The following MED27 variants were observed in gnomAD, a reference collection of about 807,000 sequenced individuals.
MED27 encodes mediator of RNA polymerase II transcription subunit 27.
MED27 carries 30 observed loss-of-function variants against 38.2 expected under a neutral mutation model. The ratio of observed to expected loss-of-function variants is 0.79; its 90% CI spans 0.59 to 1.07. The LOEUF is 1.07. Ranked by LOEUF, MED27 falls within the 50% of genes least tolerant of loss-of-function variation. The pLI is 0.00. For synonymous variants in MED27, 122 were observed against 153.5 expected (o/e 0.79, Z 1.52); for missense variants, 289 against 397.5 (o/e 0.73, Z 2.32).
chr9:131,875,661 T>G (rs1838918200), intron 6 of MED27, among the ~76,000 whole-genome samples: 1 of 152,204 alleles, frequency 6.6e-6, no homozygotes, highest in Non-Finnish European at 1.5e-5. Flanking sequence ...TCACACCAAG[T>G]CTGTGGGGCA....
chr9:132,069,670 C>T (rs567358177), intron 2 of MED27, among the ~76,000 whole-genome samples: 67 of 152,290 alleles, frequency 4.4e-4, no homozygotes, highest in African/African-American at 1.4e-3. Context: ...CTCCATTCCT[C>T]GGATTACAAT....
intron 2 of MED27, among the ~76,000 whole-genome samples, chr9:132,075,434 T>C (rs778386735): frequency 1.3e-5 from 2 of 152,196 alleles, no homozygotes; most frequent in Non-Finnish European, 2.9e-5. Flanking sequence ...ACATTGCTCA[T>C]ATGAGATTTA....
chr9:131,899,007 A>C (rs754717371), intron 4 of MED27, among the ~76,000 whole-genome samples: 1 of 152,208 alleles, frequency 6.6e-6, no homozygotes, highest in South Asian at 2.1e-4. Context: ...CTGAACATCT[A>C]AATGGAGATA....
At chr9:131,879,769 A>T (rs1839003062) in intron 6 of MED27, among the ~76,000 whole-genome samples, 2 of 152,202 alleles carry the variant, frequency 1.3e-5, no homozygotes, top group Admixed American at 1.3e-4. Context: ...GAGCAGGTGG[A>T]AGATGTCTGC....
rs186818984 is a variant in MED27, at chr9:131,882,673, C to T, written c.723+1385G>A. Among the ~76,000 whole-genome samples the T allele has an allele frequency of 1.7e-3, 253 of 152,330 alleles. 1 individual carries two copies. Among genetic ancestry groups the T allele is most frequent in the African/African-American group, 5.9e-3 (244 of 41,570 alleles). On this transcript the variant is annotated intron_variant, in intron 6 of 7. Transcript: ENST00000292035. ...CTGACCTGAGCCCTGCCTTCTACCT[C>T]CACTTCATCCCCACTTCACGGGGCT... is the stretch of plus-strand genomic sequence containing the variant.
At position 131,883,212 on chromosome 9, in the gene MED27, T is replaced by C. The variant is rs4628298; in HGVS notation, c.723+846A>G. On this transcript the variant is annotated intron_variant, in intron 6 of 7. Coordinates refer to ENST00000292035, the MANE Select transcript of MED27 (RefSeq NM_004269.4). This position sits in a 1 kb window ranked among gnomAD's most constrained non-coding sequence, Gnocchi z 4.2. The stretch of plus-strand genomic sequence containing the variant: ...CCTGTTGTTGAGCTGGATGAGGGAA[T>C]GAATGAGATGATGGCCAACTCTCTT... 0.089 allele frequency among the ~76,000 whole-genome samples: 13,536 copies of C among 152,118 alleles called. 1,225 individuals are homozygous for C. The highest frequency in any genetic ancestry group is 0.39 in the East Asian group (2,000 of 5,152).
chr9:132,044,382 C>A (rs1420852505), intron 2 of MED27, among the ~76,000 whole-genome samples: 1 of 152,360 alleles, frequency 6.6e-6, no homozygotes, highest in South Asian at 2.1e-4. Context: ...CTTTCTCTTA[C>A]GCTTCTTACT....
At chr9:132,073,563 T>C in intron 2 of MED27, 1 of 1,379,464 alleles carries the variant, frequency 7.2e-7, no homozygotes, top group Non-Finnish European at 9.3e-7. Flanking sequence ...TCCAACCCTG[T>C]TAGTTCCATG....
At chr9:132,017,087 G>A (rs762673097) in intron 2 of MED27, among the ~76,000 whole-genome samples, 7 of 152,238 alleles carry the variant, frequency 4.6e-5, no homozygotes, top group Non-Finnish European at 7.4e-5. Flanking sequence ...CCAGGAACAC[G>A]GCTCTGACTG....
At chr9:131,901,180 G>A (rs1315001539) in intron 4 of MED27, among the ~76,000 whole-genome samples, 1 of 152,070 alleles carries the variant, frequency 6.6e-6, no homozygotes, top group Non-Finnish European at 1.5e-5. Context: ...TTTAGGAAGT[G>A]TTTTCCTTCA....
intron 1 of MED27, among the ~76,000 whole-genome samples, chr9:132,078,038 T>C (rs1315711844): frequency 6.6e-6 from 1 of 152,198 alleles, no homozygotes; most frequent in Non-Finnish European, 1.5e-5. Flanking sequence ...GATAGATTTG[T>C]ACATGATGCT....
At chr9:132,054,856 A>G (rs1159243113) in intron 2 of MED27, among the ~76,000 whole-genome samples, 2 of 152,218 alleles carry the variant, frequency 1.3e-5, no homozygotes, top group East Asian at 1.9e-4. Flanking sequence ...TGTCCTTTCT[A>G]CCTGGAATAT....
At chr9:131,954,420 GGAGCCAAA>G (rs1831054659) in intron 3 of MED27, among the ~76,000 whole-genome samples, 1 of 152,152 alleles carries the variant, frequency 6.6e-6, no homozygotes, top group African/African-American at 2.4e-5. Flanking sequence ...TTCTCTCAGT[GGAGCCAAA>G]TCTAGGAGTC....
intron 2 of MED27, among the ~76,000 whole-genome samples, chr9:132,037,547 G>T (rs1026380217): frequency 6.6e-6 from 1 of 152,168 alleles, no homozygotes; most frequent in African/African-American, 2.4e-5. Flanking sequence ...TGAAATCCTT[G>T]GAGCGGTTGG....
At chr9:132,009,026 C>G (rs1408494037) in intron 3 of MED27, among the ~76,000 whole-genome samples, 1 of 152,222 alleles carries the variant, frequency 6.6e-6, no homozygotes, top group African/African-American at 2.4e-5. Flanking sequence ...TCCCTCCCCA[C>G]TCTGCCCGTG....
intron 3 of MED27, among the ~76,000 whole-genome samples, chr9:131,964,338 G>GTGGAGATGATCATGA (rs1831290574): frequency 6.8e-6 from 1 of 147,898 alleles, no homozygotes; most frequent in Non-Finnish European, 1.5e-5. Context: ...GGTGATGGTG[G>GTGGAGATGATCATGA]TGGTGGTGGA....
chr9:132,011,575 G>A (rs942363388), intron 3 of MED27, among the ~76,000 whole-genome samples: 1 of 152,168 alleles, frequency 6.6e-6, no homozygotes, highest in Non-Finnish European at 1.5e-5. Context: ...GTCAAGGTGA[G>A]AGGATCATTT....
intron 4 of MED27, among the ~76,000 whole-genome samples, chr9:131,902,891 T>C (rs1829978134): frequency 6.6e-6 from 1 of 152,210 alleles, no homozygotes; most frequent in Non-Finnish European, 1.5e-5. Context: ...AGTTCTGGAC[T>C]CTGGGAGGAA....
At chr9:132,058,586 G>C (rs947965940) in intron 2 of MED27, among the ~76,000 whole-genome samples, 1 of 152,108 alleles carries the variant, frequency 6.6e-6, no homozygotes, top group African/African-American at 2.4e-5. Flanking sequence ...TAAGTTTCTT[G>C]GGGCCTTCCC....
Sources: allele counts gnomAD v4.1 joint callset (sites outside exome capture counted in the v4.1 genomes callset), GRCh38; gene constraint gnomAD v4.1.1; non-coding constraint Gnocchi (gnomAD v3.1); transcripts MANE v1.5; gene names NCBI Gene and HGNC (gene_info 2026-07-23, HGNC 2026-07-21).